ERLEC1: variants seen among roughly 807,000 people sequenced by gnomAD.
The protein encoded by ERLEC1 is endoplasmic reticulum lectin 1.
In ERLEC1, 47 loss-of-function variants were observed where a neutral mutation model predicts 68.0. The ratio of observed to expected loss-of-function variants is 0.69; its 90% CI spans 0.55 to 0.88. The LOEUF (loss-of-function observed/expected upper bound fraction) is 0.88, where lower values mean the gene tolerates loss of function less well. Ranked by LOEUF, ERLEC1 falls within the 40% of genes least tolerant of loss-of-function variation. The probability of loss-of-function intolerance (pLI) is 0.00; values close to 1 mark genes in which losing one functional copy is unlikely to be tolerated. For missense variants in ERLEC1, 567 were observed against 583.8 expected (o/e 0.97, Z 0.30); for synonymous variants, 225 against 203.2 (o/e 1.11, Z -0.91).
chr2:53,814,473 C>A, intron 11 of ERLEC1, 70 bp from the exon 12 acceptor site: 1 of 1,084,442 alleles, frequency 9.2e-7, no homozygotes, highest in Non-Finnish European at 1.4e-6. Context: ...CATCTTCTCA[C>A]CCTACCCATT....
chr2:53,788,842 TG>T, intron 1 of ERLEC1: 1 of 152,192 alleles, frequency 6.6e-6, no homozygotes, highest in African/African-American at 2.4e-5. Flanking sequence ...CTTTAATACC[TG>T]TTGTTGTATC....
rs1676002442 is a variant in ERLEC1, at chr2:53,801,502, G to A, written c.631G>A (p.Val211Met). Residue 211 changes from valine (V) to methionine (M), a missense_variant, in exon 7 of 14, where the codon GTG (valine) becomes ATG (methionine). Physicochemically the swap from Val to Met is conservative, Grantham distance 21. Coordinates refer to ENST00000185150, the MANE Select transcript of ERLEC1 (RefSeq NM_015701.5). Reference sequence around the variant, plus strand: ...ACAGAACCGGCCCAGATCAAGTACTGTGATGTACATATGTCATCCTGAATC... The same window carrying A: ...ACAGAACCGGCCCAGATCAAGTACTATGATGTACATATGTCATCCTGAATC... The part of the protein sequence containing the change: ...LKQNRPRSST[V>M]MYICHPESKH... 1.9e-6 allele frequency: 3 copies of A among 1,614,040 alleles called. No individual in the cohort carries two copies. Among genetic ancestry groups the A allele is most frequent in the African/African-American group, 1.3e-5 (1 of 75,030 alleles).
At chr2:53,803,264 C>T (rs1035420104) in intron 8 of ERLEC1, among the ~76,000 whole-genome samples, 1 of 152,256 alleles carries the variant, frequency 6.6e-6, no homozygotes, top group Non-Finnish European at 1.5e-5. Context: ...CCAACACTGT[C>T]ATTCTGATAG....
Position 53,811,260 on chromosome 2 carries a change from G to A in ERLEC1, c.1102-1689G>A, listed in dbSNP as rs571096598. On this transcript the variant is annotated intron_variant, in intron 10 of 13. Transcript: ENST00000185150. The stretch of plus-strand genomic sequence containing the variant: ...CTAATGGACCTTTAAGTTGTTTCCA[G>A]TTTTTGCTGTGATATGTTTTAGTGA... Among the ~76,000 whole-genome samples the A allele has an allele frequency of 9.9e-5, 15 of 152,268 alleles. No individual in the cohort carries two copies. In the East Asian group the frequency reaches 2.5e-3, roughly 25 times the overall value.
intron 1 of ERLEC1, among the ~76,000 whole-genome samples, chr2:53,790,059 C>T (rs1675306217): frequency 6.6e-6 from 1 of 151,500 alleles, no homozygotes; most frequent in Non-Finnish European, 1.5e-5. Flanking sequence ...CTACTCTCCT[C>T]ACCTGGCGCT....
At position 53,787,099 on chromosome 2, in the gene ERLEC1, A is replaced by G; in HGVS notation, c.-112A>G. The stretch of plus-strand genomic sequence containing the variant: ...AGACGTGGCGGCGGTTGGGCCGGTG[A>G]TACCCGGGCGCTTTATAGTCCCGCC... On this transcript the variant is annotated 5_prime_UTR_variant, in exon 1 of 14. Transcript: ENST00000185150. The G allele has an allele frequency of 7.4e-7, 1 of 1,356,062 alleles. No individual in the cohort carries two copies. The highest frequency in any genetic ancestry group is 1.6e-5 in the South Asian group (1 of 61,894). The allele number at this position is 1,356,062 out of a possible 1,614,324, so 84.0% of individuals were successfully genotyped here. A position where few individuals can be genotyped will look rare whatever the true frequency, so the allele number is the denominator to read the frequency against.
chr2:53,801,730 T>G lies in ERLEC1; in HGVS notation c.767T>G (p.Val256Gly), dbSNP rs756621853. 1 of 1,614,104 alleles carries G rather than the reference T, an allele frequency of 6.2e-7. No individual in the cohort carries two copies. Among genetic ancestry groups the G allele is most frequent in the Non-Finnish European group, 8.5e-7 (1 of 1,179,962 alleles). ...HPKYRFRASP[V>G]NDIFCQSLPG... ...CTGAACAGGTTCAGAGCATCTCCTG[T>G]GAATGACATATTTTGTCAATCACTG... Residue 256 changes from valine (V) to glycine (G), a missense_variant, in exon 8 of 14, where the codon GTG becomes GGG. Coordinates refer to ENST00000185150, the MANE Select transcript of ERLEC1 (RefSeq NM_015701.5).
In ERLEC1 at chr2:53,787,248, C is replaced by T. The variant is rs1451322550; in HGVS notation, c.38C>T (p.Pro13Leu). 3.7e-6 allele frequency: 6 copies of T among 1,606,692 alleles called. No homozygotes were observed. The highest frequency in any genetic ancestry group is 1.7e-5 in the Admixed American group (1 of 59,952). ...GGCGGCGGCGTACGGAGTCTGGTCC[C>T]GGGCGGGCCGGTGTTACTGGTCCTC... ...EGGGGVRSLV[P>L]GGPVLLVLCG... is the part of the protein sequence containing the mutation. The change falls in exon 1 of 14, where the codon CCG becomes CTG. Residue 13 changes from proline to leucine, a missense_variant. Transcript: ENST00000185150.
intron 9 of ERLEC1, among the ~76,000 whole-genome samples, 155 bp from the exon 10 acceptor site, chr2:53,809,059 G>A (rs1403685257): frequency 5.3e-5 from 8 of 152,146 alleles, no homozygotes; most frequent in African/African-American, 9.7e-5. Context: ...CTCTGTATTT[G>A]TCTTTAATTT....
intron 5 of ERLEC1, 73 bp downstream of exon 5, chr2:53,797,868 C>T (rs1432412687): frequency 2.0e-5 from 27 of 1,336,172 alleles, no homozygotes; most frequent in East Asian, 4.6e-5. Flanking sequence ...ATGGAATTTA[C>T]GAGATTTTTT....
chr2:53,810,569 GCCAT>G lies in ERLEC1; in HGVS notation c.1101+1297_1101+1300del, dbSNP rs1676538129. Reference sequence around the variant, plus strand: ...AATATGGACCTAGCTGCTTTAAAAGGCCATTTTCGTTATCTAAAAAAGAAAATAA... The same window carrying G: ...AATATGGACCTAGCTGCTTTAAAAGGTTTCGTTATCTAAAAAAGAAAATAA... On this transcript the variant is annotated intron_variant, in intron 10 of 13. Transcript: ENST00000185150. Among the ~76,000 whole-genome samples, 3 of 152,118 alleles carry G rather than the reference GCCAT, an allele frequency of 2.0e-5. No homozygotes were observed. The South Asian group carries it at 6.2e-4, about 32-fold the overall frequency.
chr2:53,787,541 G>A (rs1216629366), intron 1 of ERLEC1, 169 bp downstream of exon 1: 10 of 718,696 alleles, frequency 1.4e-5, no homozygotes, highest in Non-Finnish European at 2.1e-5. Context: ...TCGTTCTCAC[G>A]TTATGTGGAT....
chr2:53,816,391 C>T (rs1036933116), intron 13 of ERLEC1, among the ~76,000 whole-genome samples: 1 of 151,680 alleles, frequency 6.6e-6, no homozygotes, highest in Non-Finnish European at 1.5e-5. Flanking sequence ...CTCAGCCTCC[C>T]GAGTAGCTGG....
chr2:53,795,911 T>C lies in ERLEC1; in HGVS notation c.268-22T>C, dbSNP rs1428744754. On this transcript the variant is annotated intron_variant, in intron 2 of 13. Transcript: ENST00000185150. ...TGAAATTCTAGAAAAACTGTAAGTA[T>C]TAAACTCCAATTCTTTCTTAGGAAG... is the stretch of plus-strand genomic sequence containing the variant. 7.2e-6 allele frequency: 11 copies of C among 1,532,806 alleles called. No individual in the cohort carries two copies. In the African/African-American group the frequency reaches 1.3e-4, roughly 17 times the overall value. 95.0% of individuals were successfully genotyped at this position (1,532,806 alleles called of 1,614,324 possible). A position where few individuals can be genotyped will look rare whatever the true frequency, so the allele number is the denominator to read the frequency against.
intron 11 of ERLEC1, among the ~76,000 whole-genome samples, chr2:53,813,913 ATATCTCCTAAAGC>A (rs1676724925): frequency 6.6e-6 from 1 of 152,130 alleles, no homozygotes; most frequent in Non-Finnish European, 1.5e-5. Flanking sequence ...AGCATTAGGT[ATATCTCCTAAAGC>A]TATCTTCCCC....
intron 1 of ERLEC1, among the ~76,000 whole-genome samples, chr2:53,790,063 T>G (rs919584744): frequency 6.6e-6 from 1 of 151,404 alleles, no homozygotes; most frequent in African/African-American, 2.4e-5. Flanking sequence ...TCTCCTCACC[T>G]GGCGCTGCCA....
Position 53,814,943 on chromosome 2 carries a change from A to G in ERLEC1, c.1380+8A>G, listed in dbSNP as rs1162714154. 1 of 1,522,848 alleles carries G rather than the reference A, an allele frequency of 6.6e-7. No individual in the cohort carries two copies. The highest frequency in any genetic ancestry group is 1.2e-5 in the South Asian group (1 of 82,412). The allele number at this position is 1,522,848 out of a possible 1,614,324, so 94.3% of individuals were successfully genotyped here. On this transcript the variant is annotated splice_region_variant and intron_variant, in intron 13 of 13. Transcript: ENST00000185150. ...TGTCAATATATTCTTGGGGTAAGTT[A>G]AAAAGAAAATAATCAAAAATTCCAT...
At chr2:53,810,002 G>C (rs1373019261) in intron 10 of ERLEC1, among the ~76,000 whole-genome samples, 4 of 152,174 alleles carry the variant, frequency 2.6e-5, no homozygotes, top group African/African-American at 7.2e-5. Context: ...AGTGAGCCGA[G>C]ATCACGCCAC....
At chr2:53,787,883 A>T (rs1484901792) in intron 1 of ERLEC1, among the ~76,000 whole-genome samples, 1 of 152,124 alleles carries the variant, frequency 6.6e-6, no homozygotes, top group Non-Finnish European at 1.5e-5. Flanking sequence ...TTCCTTTCCT[A>T]GTTGTTTCTG....
Sources: allele counts gnomAD v4.1 joint callset (sites outside exome capture counted in the v4.1 genomes callset), GRCh38; gene constraint gnomAD v4.1.1; transcripts MANE v1.5; gene names NCBI Gene and HGNC (gene_info 2026-07-23, HGNC 2026-07-21).